Variants in VCL observed in about 807,000 individuals in gnomAD.
The protein encoded by VCL is vinculin.
In VCL, 47 loss-of-function variants were observed where a neutral mutation model predicts 125.7. That is an observed-to-expected ratio of 0.37 (90% CI 0.30 to 0.48). The LOEUF is 0.48. Ranked by LOEUF, VCL falls within the 20% of genes least tolerant of loss-of-function variation. The probability of loss-of-function intolerance (pLI) is 0.99; values close to 1 mark genes in which losing one functional copy is unlikely to be tolerated. For synonymous variants in VCL, 458 were observed against 514.6 expected, an observed-to-expected ratio of 0.89 and a Z score of 1.49; for missense variants, 1,069 against 1,455.5, an observed-to-expected ratio of 0.73 and a Z score of 4.32.
chr10:74,083,208 G>A (rs1172563016), intron 7 of VCL, among the ~76,000 whole-genome samples, 158 bp from the exon 8 acceptor site: 1 of 152,184 alleles, frequency 6.6e-6, no homozygotes, highest in East Asian at 1.9e-4. Context: ...TATGGTTTAA[G>A]GGCACTGCTT....
intron 8 of VCL, among the ~76,000 whole-genome samples, chr10:74,087,339 CTT>C (rs553757805): frequency 8.3e-6 from 1 of 120,376 alleles, no homozygotes; most frequent in Non-Finnish European, 1.7e-5. Context: ...TTAGGTTTTT[CTT>C]TTTTTTTTTT....
chr10:74,023,716 TAA>T (rs141556011), intron 1 of VCL, among the ~76,000 whole-genome samples: 4,827 of 152,348 alleles, frequency 0.032, 108 homozygotes, highest in Non-Finnish European at 0.051. Flanking sequence ...AACATTTCTA[TAA>T]AAGTCTTTTT....
intron 1 of VCL, chr10:74,005,049 A>C (rs1315545585): frequency 6.6e-6 from 1 of 152,046 alleles, no homozygotes; most frequent in Non-Finnish European, 1.5e-5. Flanking sequence ...ACAGATCAGC[A>C]CAAAAGTATG....
chr10:74,073,912 C>T (rs1839532501), intron 5 of VCL, among the ~76,000 whole-genome samples: 1 of 152,094 alleles, frequency 6.6e-6, no homozygotes. Flanking sequence ...CAAGTAGTAG[C>T]TAAAAAAGGA....
Position 74,105,202 on chromosome 10 carries a change from C to T in VCL, c.2283C>T (p.Asn761=). The change falls in exon 16 of 22, where the codon AAC becomes AAT. Residue 761 remains asparagine (N), a synonymous_variant. Transcript: ENST00000211998. ...CAACCAGTATTGCTCGTCGGGCCAA[C>T]CGGATCCTGCTGGTGGCTAAGAGGG... ...AGATSIARRA[N]RILLVAKREV... is the part of the protein sequence containing the mutation. The T allele has an allele frequency of 6.2e-7, 1 of 1,614,196 alleles. No individual in the cohort carries two copies. The highest frequency in any genetic ancestry group is 8.5e-7 in the Non-Finnish European group (1 of 1,180,030).
intron 15 of VCL, 67 bp from the exon 16 acceptor site, chr10:74,104,984 A>C: frequency 6.4e-7 from 1 of 1,552,972 alleles, no homozygotes. Context: ...GTTTGAGTGG[A>C]TAACAGTGTT....
At chr10:74,047,991 T>C (rs145466526) in intron 2 of VCL, among the ~76,000 whole-genome samples, 2 of 152,302 alleles carry the variant, frequency 1.3e-5, no homozygotes, top group African/African-American at 2.4e-5. Flanking sequence ...CACTGGCAGA[T>C]AGAGCTCACA....
At chr10:74,091,887 T>C (rs116090878) in intron 10 of VCL, among the ~76,000 whole-genome samples, 2,472 of 151,620 alleles carry the variant, frequency 0.016, 72 homozygotes, top group African/African-American at 0.057. Flanking sequence ...GCTATTATTT[T>C]TATTTATGTA....
chr10:74,029,649 C>T (rs1179621432), intron 1 of VCL, among the ~76,000 whole-genome samples: 1 of 152,142 alleles, frequency 6.6e-6, no homozygotes, highest in Non-Finnish European at 1.5e-5. Flanking sequence ...TCAGAACTTG[C>T]CACTGACATG....
chr10:74,072,684 G>C (rs1379408305), intron 4 of VCL, 46 bp from the exon 5 acceptor site: 1 of 1,613,488 alleles, frequency 6.2e-7, no homozygotes, highest in South Asian at 1.1e-5. Context: ...CCAGACCCGG[G>C]ATTGTTTCAC....
Position 74,089,262 on chromosome 10 carries a change from C to T in VCL, c.1089C>T (p.Leu363=). 6.2e-7 allele frequency: 1 copy of T among 1,614,080 alleles called. No homozygotes were observed. Among genetic ancestry groups the T allele is most frequent in the Non-Finnish European group, 8.5e-7 (1 of 1,180,018 alleles). The change falls in exon 9 of 22, where the codon CTC becomes CTT. Residue 363 remains leucine (L), a synonymous_variant. Coordinates refer to ENST00000211998, the MANE Select transcript of VCL (RefSeq NM_014000.3). The part of the protein sequence containing the change: ...AQQVSQGLDV[L]TAKVENAARK... The stretch of plus-strand genomic sequence containing the variant: ...AGGTATCTCAGGGTCTGGATGTGCT[C>T]ACAGCAAAAGTGGAAAATGCAGCTC...
At position 74,118,141 on chromosome 10, in the gene VCL, G is replaced by A; in HGVS notation, c.3377G>A (p.Trp1126Ter). Reference sequence around the variant, plus strand: ...ACAGATGCTGGATTTACACTGCGCTGGGTTAGAAAGACTCCCTGGTACCAG... The same window carrying A: ...ACAGATGCTGGATTTACACTGCGCTAGGTTAGAAAGACTCCCTGGTACCAG... ...IRTDAGFTLR[W>*]VRKTPWYQ Residue 1126 changes from tryptophan to a stop codon, truncating the protein, a stop_gained, in exon 22 of 22, where the codon TGG becomes TAG. Coordinates refer to ENST00000211998, the MANE Select transcript of VCL (RefSeq NM_014000.3). LOFTEE classifies it high-confidence loss of function. 6.2e-7 allele frequency: 1 copy of A among 1,614,114 alleles called. No homozygotes were observed. The highest frequency in any genetic ancestry group is 8.5e-7 in the Non-Finnish European group (1 of 1,180,014).
chr10:74,117,910 G>C, intron 21 of VCL, 113 bp from the exon 22 acceptor site: 1 of 1,457,962 alleles, frequency 6.9e-7, no homozygotes, highest in Non-Finnish European at 9.6e-7. Flanking sequence ...GCAAATATGG[G>C]GGATGCCAGG....
intron 16 of VCL, among the ~76,000 whole-genome samples, chr10:74,105,743 C>T (rs1306499493): frequency 6.6e-6 from 1 of 151,656 alleles, no homozygotes; most frequent in African/African-American, 2.4e-5. Flanking sequence ...TTTTAGTAGA[C>T]AGGGTTTTGC....
intron 1 of VCL, among the ~76,000 whole-genome samples, chr10:74,036,010 A>G (rs1192405960): frequency 2.0e-5 from 3 of 152,220 alleles, no homozygotes; most frequent in African/African-American, 7.2e-5. Context: ...GCTGTTTTAT[A>G]TAAGAGACAA....
chr10:74,070,498 C>T (rs1841646714), intron 2 of VCL, among the ~76,000 whole-genome samples, 172 bp from the exon 3 acceptor site: 1 of 152,168 alleles, frequency 6.6e-6, no homozygotes, highest in Non-Finnish European at 1.5e-5. Flanking sequence ...GCCACTGTGT[C>T]CTGCCTAAAT....
chr10:74,072,614 A>C, intron 4 of VCL, 116 bp from the exon 5 acceptor site: 1 of 1,478,640 alleles, frequency 6.8e-7, no homozygotes, highest in South Asian at 1.2e-5. Flanking sequence ...TGTTGTTTAA[A>C]TAAGTGAGCA....
intron 1 of VCL, among the ~76,000 whole-genome samples, chr10:74,029,863 A>C (rs1840842985): frequency 6.6e-6 from 1 of 152,218 alleles, no homozygotes; most frequent in Non-Finnish European, 1.5e-5. Flanking sequence ...ATTTAAAAAA[A>C]ATACTCTGGA....
At chr10:74,065,764 T>C (rs2136269203) in intron 2 of VCL, among the ~76,000 whole-genome samples, 1 of 152,166 alleles carries the variant, frequency 6.6e-6, no homozygotes, top group Non-Finnish European at 1.5e-5. Flanking sequence ...ATATTAAAAG[T>C]TCAGACGATG....
Sources: allele counts gnomAD v4.1 joint callset (sites outside exome capture counted in the v4.1 genomes callset), GRCh38; gene constraint gnomAD v4.1.1; transcripts MANE v1.5; gene names NCBI Gene and HGNC (gene_info 2026-07-23, HGNC 2026-07-21).